The following EXOC6 variants were observed in gnomAD, a reference collection of about 807,000 sequenced individuals.
EXOC6 encodes SEC15-like 1.
In EXOC6, 60 loss-of-function variants were observed where a neutral mutation model predicts 112.5. The ratio of observed to expected loss-of-function variants is 0.53; its 90% CI spans 0.43 to 0.66. EXOC6 has a LOEUF of 0.66. Among genes scored for constraint, EXOC6 ranks in the 30% least tolerant of loss-of-function variants. The pLI is 0.00. For synonymous variants in EXOC6, 295 were observed against 308.0 expected (o/e 0.96, Z 0.44); for missense variants, 855 against 957.1 (o/e 0.89, Z 1.41).
Position 92,842,844 on chromosome 10 carries a change from G to T in EXOC6, c.86+8020G>T, listed in dbSNP as rs532936463. 2.1e-4 allele frequency among the ~76,000 whole-genome samples: 32 copies of T among 152,192 alleles called. No homozygotes were observed. The South Asian group carries it at 2.7e-3, about 13-fold the overall frequency. On this transcript the variant is annotated intron_variant, in intron 1 of 21. Coordinates refer to the EXOC6 transcript ENST00000371552. ...TTCAGGACATTTTTCTGAGGGCAGG[G>T]TTGGCAACATAATTTGTGGGGCCCA...
intron 1 of EXOC6, among the ~76,000 whole-genome samples, chr10:92,839,562 C>T (rs959655211): frequency 1.3e-5 from 2 of 152,076 alleles, no homozygotes; most frequent in African/African-American, 2.4e-5. Flanking sequence ...CATTTATTTA[C>T]CATATTCACA....
chr10:92,859,275 T>G (rs909137409), intron 1 of EXOC6, among the ~76,000 whole-genome samples: 2 of 152,182 alleles, frequency 1.3e-5, no homozygotes, highest in African/African-American at 4.8e-5. Context: ...ATCAAGTGTA[T>G]TTCCCTCACA....
At chr10:92,876,377 T>C (rs1848687376) in intron 1 of EXOC6, among the ~76,000 whole-genome samples, 2 of 152,212 alleles carry the variant, frequency 1.3e-5, no homozygotes, top group African/African-American at 4.8e-5. Flanking sequence ...ACCATTGTTA[T>C]ACCCATTTGC....
chr10:92,962,316 G>A (rs1035587064), intron 17 of EXOC6, among the ~76,000 whole-genome samples: 2 of 151,916 alleles, frequency 1.3e-5, no homozygotes, highest in Non-Finnish European at 2.9e-5. Context: ...TTTTCACTTG[G>A]GGGTATATGT....
intron 20 of EXOC6, among the ~76,000 whole-genome samples, chr10:93,055,099 T>A (rs556670309): frequency 2.2e-4 from 33 of 152,260 alleles, no homozygotes; most frequent in African/African-American, 7.5e-4. Context: ...CGCCTCAGTC[T>A]CCAGAGTAGC....
At chr10:92,934,531 A>G (rs1852241926) in intron 11 of EXOC6, 101 bp downstream of exon 11, 1 of 1,000,642 alleles carries the variant, frequency 1.0e-6, no homozygotes, top group Non-Finnish European at 1.4e-6. Flanking sequence ...ATCATTCTGC[A>G]TTTTTTTAGT....
At chr10:92,892,092 C>T (rs10786056) in intron 1 of EXOC6, among the ~76,000 whole-genome samples, 44,945 of 152,006 alleles carry the variant, frequency 0.3, 7,447 homozygotes, top group East Asian at 0.74. Context: ...CAATGGGCAA[C>T]GGATGTGGGG....
intron 7 of EXOC6, among the ~76,000 whole-genome samples, chr10:92,919,425 T>G (rs1462126678): frequency 6.6e-6 from 1 of 152,220 alleles, no homozygotes; most frequent in Non-Finnish European, 1.5e-5. Flanking sequence ...ATTTCATCAA[T>G]TGTAAGGCAT....
At chr10:92,870,244 G>A (rs193093232) in intron 1 of EXOC6, among the ~76,000 whole-genome samples, 120 of 152,050 alleles carry the variant, frequency 7.9e-4, no homozygotes, top group African/African-American at 2.8e-3. Flanking sequence ...ATGAGCCACC[G>A]CGTGCCACCC....
Position 92,848,622 on chromosome 10 carries a change from G to T in EXOC6, c.89G>T (p.Gly30Val). The T allele has an allele frequency of 7.0e-7, 1 of 1,435,626 alleles. No homozygotes were observed. The allele number at this position is 1,435,626 out of a possible 1,614,324, so 88.9% of individuals were successfully genotyped here. A position where few individuals can be genotyped will look rare whatever the true frequency, so the allele number is the denominator to read the frequency against. The change falls in exon 1 of 22, where the codon GGG (glycine) becomes GTG (valine). Residue 30 changes from glycine to valine, a missense_variant. Gly to Val is a moderately radical substitution (Grantham distance 109, BLOSUM62 -3). Around this residue, in one of 2 missense-constraint regions of EXOC6, gnomAD observed 405 missense variants for 393.6 expected, o/e 1.03. Coordinates refer to ENST00000260762, the MANE Select transcript of EXOC6 (RefSeq NM_019053.6). ...EIESTDTACV[G>V]PTLRSVYDDQ... ...GAGAGCACCGACACCGCCTGTGTGG[G>T]GCCCACCCTCCGGTAAAGATCTCAT... is the stretch of plus-strand genomic sequence containing the variant.
At chr10:92,942,724 C>CTCT (rs1226205740) in intron 13 of EXOC6, among the ~76,000 whole-genome samples, 3 of 151,872 alleles carry the variant, frequency 2.0e-5, no homozygotes, top group Admixed American at 6.6e-5. Context: ...TTTAACTGGC[C>CTCT]TCTTCAGAAG....
At chr10:92,891,639 A>G (rs1964154) in intron 1 of EXOC6, among the ~76,000 whole-genome samples, 58,191 of 151,792 alleles carry the variant, frequency 0.38, 12,334 homozygotes, top group East Asian at 0.88. Flanking sequence ...CTGCCACGAC[A>G]CCCAGCTAAT....
At chr10:92,990,908 C>T (rs1408199607) in intron 18 of EXOC6, among the ~76,000 whole-genome samples, 6 of 152,200 alleles carry the variant, frequency 3.9e-5, no homozygotes, top group East Asian at 3.9e-4. Context: ...TTGTACTAGA[C>T]TCTGAGAGTC....
At position 92,946,232 on chromosome 10, in the gene EXOC6, C is replaced by T. The variant is rs1852991894; in HGVS notation, c.1311-2042C>T. Reference sequence around the variant, plus strand: ...AATGGCGTGAACCCGGGAGGCGGAGCTTGCAGTGAGCCAAGATTGCGCCAC... The same window carrying T: ...AATGGCGTGAACCCGGGAGGCGGAGTTTGCAGTGAGCCAAGATTGCGCCAC... On this transcript the variant is annotated intron_variant, in intron 13 of 21. Coordinates refer to ENST00000260762, the MANE Select transcript of EXOC6 (RefSeq NM_019053.6). 2.0e-5 allele frequency among the ~76,000 whole-genome samples: 3 copies of T among 151,922 alleles called. No homozygotes were observed. In the South Asian group the frequency reaches 6.2e-4, roughly 32 times the overall value.
chr10:93,035,991 C>T (rs964078923), intron 20 of EXOC6, among the ~76,000 whole-genome samples: 1 of 152,128 alleles, frequency 6.6e-6, no homozygotes, highest in African/African-American at 2.4e-5. Flanking sequence ...GAGGCCGAGG[C>T]GGGCAGATCA....
chr10:92,836,038 T>C (rs1272517756), intron 1 of EXOC6, among the ~76,000 whole-genome samples: 1 of 152,190 alleles, frequency 6.6e-6, no homozygotes, highest in African/African-American at 2.4e-5. Context: ...GCTAGGTAGG[T>C]GGTCAAGTGC....
intron 9 of EXOC6, among the ~76,000 whole-genome samples, chr10:92,929,068 G>A (rs970628836): frequency 3.9e-5 from 6 of 152,158 alleles, no homozygotes; most frequent in Non-Finnish European, 7.4e-5. Context: ...GACGACATTG[G>A]GTACAGAGGG....
intron 13 of EXOC6, among the ~76,000 whole-genome samples, chr10:92,942,484 A>G (rs1852721074): frequency 6.6e-6 from 1 of 152,158 alleles, no homozygotes; most frequent in African/African-American, 2.4e-5. Context: ...AGTTTTTGGT[A>G]TTTACATTCT....
Position 92,848,601 on chromosome 10 carries a change from G to A in EXOC6, c.68G>A (p.Ser23Asn). 1 of 1,452,562 alleles carries A rather than the reference G, an allele frequency of 6.9e-7. No individual in the cohort carries two copies. Among genetic ancestry groups the A allele is most frequent in the Non-Finnish European group, 9.2e-7 (1 of 1,085,820 alleles). The allele number at this position is 1,452,562 out of a possible 1,614,324, so 90.0% of individuals were successfully genotyped here. A position where few individuals can be genotyped will look rare whatever the true frequency, so the allele number is the denominator to read the frequency against. ...GAGCGGATCTTGCAGGAGATCGAGA[G>A]CACCGACACCGCCTGTGTGGGGCCC... ...EHERILQEIE[S>N]TDTACVGPTL... Residue 23 changes from serine (S) to asparagine (N), a missense_variant, in exon 1 of 22, where the codon AGC (serine) becomes AAC (asparagine). Coordinates refer to ENST00000260762, the MANE Select transcript of EXOC6 (RefSeq NM_019053.6).
Sources: gnomAD v4.1 joint callset for allele counts (sites outside exome capture counted in the v4.1 genomes callset) on GRCh38, gnomAD v4.1.1 for gene constraint, gnomAD v4.1.1 regional missense constraint, MANE v1.5 for transcripts, NCBI Gene and HGNC (gene_info 2026-07-23, HGNC 2026-07-21) for gene names.